LPP: variants seen among roughly 807,000 people sequenced by gnomAD.
LPP encodes lipoma-preferred partner.
Under a neutral mutation model 60.4 loss-of-function variants are expected in LPP, and 38 were observed. That is an observed-to-expected ratio of 0.63 (90% CI 0.49 to 0.83). The LOEUF (loss-of-function observed/expected upper bound fraction) is 0.83. Ranked by LOEUF, LPP falls within the 40% of genes least tolerant of loss-of-function variation. The pLI is 0.00. For synonymous variants in LPP, 328 were observed against 290.8 expected (o/e 1.13, Z -1.30); for missense variants, 902 against 783.6 (o/e 1.15, Z -1.80).
Position 188,765,738 on chromosome 3 carries a change from G to T in LPP, c.1410+5456G>T, listed in dbSNP as rs59017580. Among the ~76,000 whole-genome samples, 451 of 151,318 alleles carry T rather than the reference G, an allele frequency of 3.0e-3. 3 individuals carry two copies. The highest frequency in any genetic ancestry group is 0.011 in the African/African-American group (435 of 41,218). ...TTTTTCTTTTTTGAGATGTGGTCTTGCTGTTGTTGCCCAGGCTGAACTCAA... is the reference window on the plus strand; with the variant it reads ...TTTTTCTTTTTTGAGATGTGGTCTTTCTGTTGTTGCCCAGGCTGAACTCAA... On this transcript the variant is annotated intron_variant, in intron 9 of 11. Coordinates refer to ENST00000617246, the MANE Select transcript of LPP (RefSeq NM_001375462.1).
At chr3:188,266,829 C>T (rs966659516) in intron 2 of LPP, among the ~76,000 whole-genome samples, 7 of 152,124 alleles carry the variant, frequency 4.6e-5, no homozygotes, top group African/African-American at 1.4e-4. Context: ...TTTCTATTGC[C>T]GTTACTGAGC....
intron 1 of LPP, among the ~76,000 whole-genome samples, chr3:188,174,068 T>C (rs189586140): frequency 6.6e-6 from 1 of 152,302 alleles, no homozygotes; most frequent in Admixed American, 6.5e-5. Flanking sequence ...GCCTGGAACG[T>C]AGTAGGTTCT....
chr3:188,462,587 CATGTGTGTGTGTGTGTGTGTGTGT>C (rs1799356370), intron 4 of LPP, among the ~76,000 whole-genome samples: 4 of 43,162 alleles, frequency 9.3e-5, no homozygotes, highest in African/African-American at 4.1e-4. Context: ...TATATATATG[CATGTGTGTGTGTGTGTGTGTGTGT>C]GTGTGTGTGT....
At chr3:188,272,155 G>T (rs912301846) in intron 2 of LPP, among the ~76,000 whole-genome samples, 1 of 152,166 alleles carries the variant, frequency 6.6e-6, no homozygotes, top group Non-Finnish European at 1.5e-5. Context: ...TCTGTGACTT[G>T]GTCAAGATGC....
At chr3:188,258,249 C>T (rs1358795416) in intron 2 of LPP, among the ~76,000 whole-genome samples, 6 of 152,210 alleles carry the variant, frequency 3.9e-5, no homozygotes, top group Non-Finnish European at 8.8e-5. Context: ...ACTTCCCTTC[C>T]CTTTGAACAT....
In LPP at chr3:188,890,357, C is replaced by T. The variant is rs1435271060; in HGVS notation, c.*15878C>T. 4.9e-6 allele frequency: 1 copy of T among 204,022 alleles called. No homozygotes were observed. The highest frequency in any genetic ancestry group is 2.3e-5 in the African/African-American group (1 of 43,750). The allele number at this position is 204,022 out of a possible 1,614,324, so 12.6% of individuals were successfully genotyped here. On this transcript the variant is annotated 3_prime_UTR_variant, in exon 12 of 12. Coordinates refer to ENST00000617246, the MANE Select transcript of LPP (RefSeq NM_001375462.1). ...ATAGGTTTCTCTTTTTTCTTGTATTCTTAGCAAATTGCATTTATTCACTAC... is the reference window on the plus strand; with the variant it reads ...ATAGGTTTCTCTTTTTTCTTGTATTTTTAGCAAATTGCATTTATTCACTAC...
intron 3 of LPP, among the ~76,000 whole-genome samples, chr3:188,391,660 A>T (rs1779726212): frequency 6.6e-6 from 1 of 152,152 alleles, no homozygotes; most frequent in Admixed American, 6.5e-5. Context: ...TCTACAATCA[A>T]GCAAGACAAA....
intron 6 of LPP, among the ~76,000 whole-genome samples, chr3:188,577,084 A>T (rs1162268408): frequency 1.3e-5 from 2 of 152,164 alleles, no homozygotes; most frequent in African/African-American, 4.8e-5. Context: ...GCAAAGTGGC[A>T]ATAATCCCCT....
At chr3:188,773,489 A>T (rs1736755623) in intron 9 of LPP, among the ~76,000 whole-genome samples, 1 of 152,162 alleles carries the variant, frequency 6.6e-6, no homozygotes, top group Admixed American at 6.5e-5. Context: ...CTATTTAAGC[A>T]ACCTTAAAAT....
intron 6 of LPP, among the ~76,000 whole-genome samples, chr3:188,569,705 C>A (rs1833071704): frequency 6.6e-6 from 1 of 151,930 alleles, no homozygotes; most frequent in South Asian, 2.1e-4. Context: ...CACTAAGTGG[C>A]AGAGGTCATG....
intron 7 of LPP, among the ~76,000 whole-genome samples, chr3:188,630,209 T>C (rs1039207493): frequency 1.2e-4 from 18 of 152,076 alleles, no homozygotes; most frequent in African/African-American, 4.1e-4. Flanking sequence ...GAGAAAATAT[T>C]TGCAAACTAT....
At chr3:188,700,160 G>A (rs533127587) in intron 7 of LPP, among the ~76,000 whole-genome samples, 1 of 152,296 alleles carries the variant, frequency 6.6e-6, no homozygotes, top group African/African-American at 2.4e-5. Context: ...CAGAGTGATA[G>A]AGTATTCATT....
At chr3:188,623,787 C>T (rs17436058) in intron 7 of LPP, among the ~76,000 whole-genome samples, 23,942 of 152,184 alleles carry the variant, frequency 0.16, 2,416 homozygotes, top group Middle Eastern at 0.22. Context: ...TTGAGCAGGA[C>T]ATATATGTTA....
chr3:188,793,558 T>C (rs886392155), intron 9 of LPP, among the ~76,000 whole-genome samples: 3 of 152,096 alleles, frequency 2.0e-5, no homozygotes, highest in Non-Finnish European at 4.4e-5. Flanking sequence ...TGTCCTGACA[T>C]AAGAGTAAGC....
At chr3:188,637,244 A>G (rs1849009449) in intron 7 of LPP, among the ~76,000 whole-genome samples, 1 of 152,148 alleles carries the variant, frequency 6.6e-6, no homozygotes, top group Non-Finnish European at 1.5e-5. Context: ...GAAACTGACC[A>G]ACCTGCTCCT....
At chr3:188,325,723 T>C (rs1451438255) in intron 2 of LPP, among the ~76,000 whole-genome samples, 1 of 152,198 alleles carries the variant, frequency 6.6e-6, no homozygotes, top group Non-Finnish European at 1.5e-5. Context: ...TTATTTGGAT[T>C]ATTTCATTCT....
At chr3:188,377,466 T>C (rs1775487713) in intron 3 of LPP, among the ~76,000 whole-genome samples, 1 of 152,228 alleles carries the variant, frequency 6.6e-6, no homozygotes, top group Non-Finnish European at 1.5e-5. Context: ...TTGTCGTCCA[T>C]CACTTATACC....
intron 6 of LPP, chr3:188,584,206 T>A (rs896367098): frequency 5.9e-5 from 9 of 152,202 alleles, no homozygotes; most frequent in African/African-American, 1.2e-4. Flanking sequence ...GGATTTTTTT[T>A]AATAGTTCTG....
intron 2 of LPP, among the ~76,000 whole-genome samples, chr3:188,307,606 G>A (rs1003535915): frequency 6.6e-6 from 1 of 152,086 alleles, no homozygotes; most frequent in African/African-American, 2.4e-5. Context: ...TGAGCGCCAG[G>A]ATTTAGTCTT....
Sources: gnomAD v4.1 joint callset for allele counts (sites outside exome capture counted in the v4.1 genomes callset) on GRCh38, gnomAD v4.1.1 for gene constraint, MANE v1.5 for transcripts, NCBI Gene and HGNC (gene_info 2026-07-23, HGNC 2026-07-21) for gene names.